Variants in AACS observed in about 807,000 individuals in gnomAD.
The protein encoded by AACS is acetoacetate-CoA ligase.
A neutral mutation model predicts 83.1 loss-of-function variants in AACS; 69 were observed. The observed-to-expected ratio is 0.83, with a 90% CI of 0.68 to 1.01. The LOEUF is 1.01. Ranked by LOEUF, AACS falls within the 50% of genes least tolerant of loss-of-function variation. AACS has a pLI of 0.00. For missense variants in AACS, 866 were observed against 882.2 expected (o/e 0.98, Z 0.23); for synonymous variants, 333 against 343.4 (o/e 0.97, Z 0.33).
At chr12:125,104,304 G>A (rs1283107406) in intron 7 of AACS, among the ~76,000 whole-genome samples, 1 of 152,248 alleles carries the variant, frequency 6.6e-6, no homozygotes, top group African/African-American at 2.4e-5. Flanking sequence ...ACGGGGACCA[G>A]AGGTGGAAGA....
intron 3 of AACS, among the ~76,000 whole-genome samples, chr12:125,077,306 C>T (rs780430676): frequency 6.6e-6 from 1 of 151,808 alleles, no homozygotes; most frequent in Admixed American, 6.6e-5. Flanking sequence ...GTCAGGAGAT[C>T]GAGACTGTCC....
At chr12:125,118,587 G>C in intron 9 of AACS, 54 bp from the exon 10 acceptor site, 1 of 1,604,852 alleles carries the variant, frequency 6.2e-7, no homozygotes, top group Non-Finnish European at 8.5e-7. Flanking sequence ...AGGGGGCAGC[G>C]CTGGGGGGAG....
At chr12:125,091,303 C>A in intron 4 of AACS, 123 bp from the exon 5 acceptor site, 1 of 908,736 alleles carries the variant, frequency 1.1e-6, no homozygotes, top group Non-Finnish European at 1.7e-6. Flanking sequence ...TGGTCAGGAT[C>A]CTCAGGCAGT....
At chr12:125,134,095 C>T in intron 15 of AACS, 23 bp downstream of exon 15, 1 of 1,611,082 alleles carries the variant, frequency 6.2e-7, no homozygotes, top group Non-Finnish European at 8.5e-7. Flanking sequence ...GAGTCGGCTT[C>T]TCTTTCCTGG....
chr12:125,086,284 C>G (rs1224177286), intron 3 of AACS, 46 bp from the exon 4 acceptor site: 8 of 1,557,500 alleles, frequency 5.1e-6, no homozygotes, highest in East Asian at 2.3e-5. Context: ...TGCAACTTTT[C>G]TTTTTGCGGT....
chr12:125,086,579 AT>A, intron 4 of AACS, 136 bp downstream of exon 4: 1 of 739,362 alleles, frequency 1.4e-6, no homozygotes, highest in Non-Finnish European at 2.3e-6. Context: ...TGGACTCTAC[AT>A]GCAAGGAGAA....
chr12:125,072,633 T>C (rs918576130), intron 1 of AACS, among the ~76,000 whole-genome samples: 8 of 152,236 alleles, frequency 5.3e-5, no homozygotes, highest in Non-Finnish European at 1.2e-4. Flanking sequence ...AAAATTCTCC[T>C]GTCCCTAAGG....
chr12:125,120,998 T>C lies in AACS; in HGVS notation c.1121+2233T>C, dbSNP rs570081369. 2.6e-5 allele frequency: 4 copies of C among 152,466 alleles called. No homozygotes were observed. The East Asian group carries it at 7.7e-4, about 29-fold the overall frequency. The allele number at this position is 152,466 out of a possible 1,614,324, so 9.4% of individuals were successfully genotyped here. A position where few individuals can be genotyped will look rare whatever the true frequency, so the allele number is the denominator to read the frequency against. Reference sequence around the variant, plus strand: ...TGTGTGCCTTGTGTATGTGTGCATGTACCTGTGTACACGCGTACATGTGCA... The same window carrying C: ...TGTGTGCCTTGTGTATGTGTGCATGCACCTGTGTACACGCGTACATGTGCA... On this transcript the variant is annotated intron_variant, in intron 10 of 17. Coordinates refer to ENST00000316519, the MANE Select transcript of AACS (RefSeq NM_023928.5).
At chr12:125,123,728 A>G (rs1957194763) in intron 10 of AACS, 2 of 152,284 alleles carry the variant, frequency 1.3e-5, no homozygotes, top group Admixed American at 6.5e-5. Context: ...AGAGTGACCC[A>G]GAAGAGTCTG....
At chr12:125,134,190 A>C in intron 15 of AACS, 118 bp downstream of exon 15, 1 of 1,085,206 alleles carries the variant, frequency 9.2e-7, no homozygotes, top group East Asian at 2.6e-5. Context: ...ACCTCACTCC[A>C]CTCCAGCACC....
chr12:125,133,168 TG>T (rs1055707514), intron 14 of AACS, among the ~76,000 whole-genome samples: 1 of 152,090 alleles, frequency 6.6e-6, no homozygotes, highest in African/African-American at 2.4e-5. Flanking sequence ...CAAGGGCTGG[TG>T]GTGGTGTCAG....
chr12:125,070,794 C>T (rs954035031), intron 1 of AACS, among the ~76,000 whole-genome samples: 4 of 152,192 alleles, frequency 2.6e-5, no homozygotes, highest in East Asian at 1.9e-4. Context: ...CACGAAGTCT[C>T]AGTTAAGACT....
At chr12:125,092,863 C>T (rs930834839) in intron 5 of AACS, among the ~76,000 whole-genome samples, 8 of 152,286 alleles carry the variant, frequency 5.3e-5, no homozygotes, top group South Asian at 4.1e-4. Flanking sequence ...ACCCCTCAGC[C>T]GACCTTGAGC....
rs988699756 is a variant in AACS at position 125,140,487 on chromosome 12, G to C, written c.1882-1605G>C. On this transcript the variant is annotated intron_variant, in intron 17 of 17. Transcript: ENST00000316519. This position sits in a 1 kb window ranked among gnomAD's most constrained non-coding sequence, Gnocchi z 5.1. ...AGGCGAGACGTTTGCATCTCACAGC[G>C]GGAGGGCCGGCGACATCACATGAAG... 6.6e-6 allele frequency: 1 copy of C among 152,222 alleles called. No homozygotes were observed. Among genetic ancestry groups the C allele is most frequent in the African/African-American group, 2.4e-5 (1 of 41,458 alleles). The allele number at this position is 152,222 out of a possible 1,614,324, so 9.4% of individuals were successfully genotyped here.
At chr12:125,081,357 T>G (rs1369471686) in intron 3 of AACS, among the ~76,000 whole-genome samples, 3 of 152,230 alleles carry the variant, frequency 2.0e-5, no homozygotes, top group Non-Finnish European at 4.4e-5. Flanking sequence ...AGGACCCTTA[T>G]GCCAGTGATC....
chr12:125,071,170 A>G (rs572892124), intron 1 of AACS, among the ~76,000 whole-genome samples: 1 of 152,306 alleles, frequency 6.6e-6, no homozygotes, highest in Non-Finnish European at 1.5e-5. Flanking sequence ...GACATCTGCC[A>G]TATGCCACCT....
intron 14 of AACS, 54 bp from the exon 15 acceptor site, chr12:125,133,948 GC>G: frequency 6.3e-7 from 1 of 1,590,688 alleles, no homozygotes; most frequent in South Asian, 1.1e-5. Context: ...TGTCCAGGCA[GC>G]CTGTCATGGC....
intron 12 of AACS, chr12:125,126,358 C>T (rs1957244477): frequency 6.6e-6 from 1 of 152,206 alleles, no homozygotes; most frequent in Non-Finnish European, 1.5e-5. Context: ...ACAAAGGTGT[C>T]CTCATGGCTG....
chr12:125,132,587 T>C (rs559833955), intron 14 of AACS, among the ~76,000 whole-genome samples: 1 of 152,326 alleles, frequency 6.6e-6, no homozygotes, highest in East Asian at 1.9e-4. Flanking sequence ...GATTTTTTTT[T>C]TTCCTTATTT....
Sources: gnomAD v4.1 joint callset for allele counts (sites outside exome capture counted in the v4.1 genomes callset) on GRCh38, gnomAD v4.1.1 for gene constraint, Gnocchi (gnomAD v3.1) non-coding constraint, MANE v1.5 for transcripts, NCBI Gene and HGNC (gene_info 2026-07-23, HGNC 2026-07-21) for gene names.